TTC39A: variants seen among roughly 807,000 people sequenced by gnomAD.
TTC39A encodes the protein tetratricopeptide repeat domain 39A, also known as tetratricopeptide repeat protein 39A.
TTC39A carries 46 observed loss-of-function variants against 82.3 expected under a neutral mutation model. The ratio of observed to expected loss-of-function variants is 0.56; its 90% CI spans 0.44 to 0.71. The LOEUF (loss-of-function observed/expected upper bound fraction) is 0.71. Among genes scored for constraint, TTC39A ranks in the 30% least tolerant of loss-of-function variants. The pLI, the probability that TTC39A is intolerant of heterozygous loss-of-function variation, is 0.00. For synonymous variants in TTC39A, 254 were observed against 275.2 expected (o/e 0.92, Z 0.76); for missense variants, 543 against 712.9 (o/e 0.76, Z 2.71).
At chr1:51,296,673 C>G (rs549982372) in intron 12 of TTC39A, 1 of 195,054 alleles carries the variant, frequency 5.1e-6, no homozygotes, top group African/African-American at 2.3e-5. Context: ...GGGCCTGGGT[C>G]GGGTCAGCTC....
chr1:51,294,315 C>A lies in TTC39A; in HGVS notation c.1266+76G>T. On this transcript the variant is annotated intron_variant, in intron 14 of 17. Coordinates refer to ENST00000680483, the MANE Select transcript of TTC39A (RefSeq NM_001297663.2). This position sits in a 1 kb window ranked among gnomAD's most constrained non-coding sequence, Gnocchi z 4.3. ...GAAGGTCTTTCTCCTCATCCACCTC[C>A]CCCTGGCTGTGGCTCTCAGTGAATC... is the stretch of plus-strand genomic sequence containing the variant. The A allele has an allele frequency of 6.2e-7, 1 of 1,602,142 alleles. No homozygotes were observed. The highest frequency in any genetic ancestry group is 1.1e-5 in the South Asian group (1 of 90,424).
At chr1:51,302,993 A>T in intron 9 of TTC39A, 91 bp downstream of exon 9, 1 of 1,184,182 alleles carries the variant, frequency 8.4e-7, no homozygotes, top group African/African-American at 1.5e-5. Context: ...ATCCCTAGCC[A>T]CAGGGCATGA....
rs567106893 is a variant in TTC39A at position 51,301,605 on chromosome 1, G to A, written c.1020C>T (p.Ala340=). ...KGQWKMSYFY[A]DLLSKENCWS... Reference sequence around the variant, plus strand: ...AGCAGTTCTCCTTGCTGAGCAGGTCGGCGTAGAAGTAGGACATCTTCCACT... The same window carrying A: ...AGCAGTTCTCCTTGCTGAGCAGGTCAGCGTAGAAGTAGGACATCTTCCACT... The change falls in exon 12 of 18, where the codon GCC becomes GCT. Residue 340 remains alanine, a synonymous_variant. Coordinates refer to ENST00000680483, the MANE Select transcript of TTC39A (RefSeq NM_001297663.2). 38 of 1,612,420 alleles carry A rather than the reference G, an allele frequency of 2.4e-5. No homozygotes were observed. The highest frequency in any genetic ancestry group is 2.6e-5 in the Non-Finnish European group (31 of 1,179,122).
At chr1:51,331,031 C>T (rs1489039188), upstream of TTC39A, 6 of 779,006 alleles carry the variant, frequency 7.7e-6, no homozygotes, top group East Asian at 2.7e-5. Flanking sequence ...GGGGAAAACA[C>T]GGTTTAGCAC....
chr1:51,300,857 T>C (rs1012623770), intron 12 of TTC39A: 1 of 152,184 alleles, frequency 6.6e-6, no homozygotes, highest in Non-Finnish European at 1.5e-5. Flanking sequence ...CATTGGCAGG[T>C]GACAAGTCAG....
rs145381995 is a variant in TTC39A at position 51,323,296 on chromosome 1, A to G, written c.42-1471T>C. Among the ~76,000 whole-genome samples, 458 of 151,320 alleles carry G rather than the reference A, an allele frequency of 3.0e-3. 4 individuals carry two copies. In the South Asian group the frequency reaches 0.031, roughly 10 times the overall value. On this transcript the variant is annotated intron_variant, in intron 1 of 17. Coordinates refer to ENST00000680483, the MANE Select transcript of TTC39A (RefSeq NM_001297663.2). Reference sequence around the variant, plus strand: ...ACTTCCTTTTTTATAAAGAATTTTTACAGAGATAGGGTCTCATATGTTGCC... The same window carrying G: ...ACTTCCTTTTTTATAAAGAATTTTTGCAGAGATAGGGTCTCATATGTTGCC...
chr1:51,330,402 G>GCCC lies in TTC39A; in HGVS notation c.41+32_41+34dup, dbSNP rs1557746244. On this transcript the variant is annotated intron_variant, in intron 1 of 17. Transcript: ENST00000680483. This position sits in a 1 kb window ranked among gnomAD's most constrained non-coding sequence, Gnocchi z 4.5. The stretch of plus-strand genomic sequence containing the variant: ...ACCTGCCCGGGCCCCAGCCCGCGCC[G>GCCC]CCCGCGCCCCCGGGCCTCCCAGCCG... The GCCC allele has an allele frequency of 1.0e-6, 1 of 976,812 alleles. No individual in the cohort carries two copies. Among genetic ancestry groups the GCCC allele is most frequent in the Admixed American group, 6.3e-5 (1 of 15,750 alleles). 60.5% of individuals were successfully genotyped at this position (976,812 alleles called of 1,614,324 possible). A position where few individuals can be genotyped will look rare whatever the true frequency, so the allele number is the denominator to read the frequency against.
At chr1:51,335,540 G>A (rs934205228), upstream of TTC39A, among the ~76,000 whole-genome samples, 12 of 141,350 alleles carry the variant, frequency 8.5e-5, no homozygotes, top group East Asian at 6.0e-4. Flanking sequence ...CAGACTGGGC[G>A]ACAGAGAGAA....
chr1:51,333,573 C>T (rs960524841), upstream of TTC39A, among the ~76,000 whole-genome samples: 3 of 152,224 alleles, frequency 2.0e-5, no homozygotes, highest in Admixed American at 6.5e-5. Flanking sequence ...TCCTCCTAAC[C>T]CTGCAGGTTT....
At chr1:51,343,983 A>T (rs1434556771) in intron 1 of TTC39A, among the ~76,000 whole-genome samples, 1 of 152,092 alleles carries the variant, frequency 6.6e-6, no homozygotes, top group African/African-American at 2.4e-5. Context: ...AGACAGGAGG[A>T]GCTGGGGAAG....
chr1:51,317,946 AGAAT>A (rs1358922583), intron 2 of TTC39A, among the ~76,000 whole-genome samples: 3 of 152,164 alleles, frequency 2.0e-5, no homozygotes, highest in African/African-American at 7.2e-5. Flanking sequence ...GACTCCTGTT[AGAAT>A]GCCCTCCTGA....
Position 51,327,231 on chromosome 1 carries a change from G to A in TTC39A, c.41+3206C>T, listed in dbSNP as rs56399756. Among the ~76,000 whole-genome samples the A allele has an allele frequency of 5.1e-4, 77 of 152,300 alleles. 1 individual carries two copies. The highest frequency in any genetic ancestry group is 1.7e-3 in the African/African-American group (70 of 41,572). ...GAGGTGGGTGTGGGGTGGGTGAGGC[G>A]GCGGAGCGGTCGCTCAGGAAGCCAA... On this transcript the variant is annotated intron_variant, in intron 1 of 17. Coordinates refer to ENST00000680483, the MANE Select transcript of TTC39A (RefSeq NM_001297663.2).
At chr1:51,339,206 A>C (rs1396720042) in intron 1 of TTC39A, among the ~76,000 whole-genome samples, 1 of 152,140 alleles carries the variant, frequency 6.6e-6, no homozygotes, top group East Asian at 1.9e-4. Flanking sequence ...CCATGGGAAG[A>C]AAAGGAGCCA....
chr1:51,305,095 AC>A lies in TTC39A; in HGVS notation c.639del (p.Ser215GlnfsTer54), dbSNP rs1644820006. ...TRILRLLEFV[G>X]FSGNKDYGLL... ...CAGGTGGTTACCTTGTTTCCTGAAA[AC>A]CCCACAAACTCCAACAGCCTCAGGA... On this transcript the variant is annotated frameshift_variant, in exon 8 of 18. Coordinates refer to ENST00000680483, the MANE Select transcript of TTC39A (RefSeq NM_001297663.2). LOFTEE classifies it high-confidence loss of function. 1 of 1,612,950 alleles carries A rather than the reference AC, an allele frequency of 6.2e-7. No individual in the cohort carries two copies. The highest frequency in any genetic ancestry group is 1.1e-5 in the South Asian group (1 of 91,054).
chr1:51,296,649 C>A (rs1477430853), intron 12 of TTC39A: 2 of 209,684 alleles, frequency 9.5e-6, no homozygotes, highest in Non-Finnish European at 2.0e-5. Flanking sequence ...AGGCTTGAGC[C>A]AGAAACGTGA....
chr1:51,312,779 C>A (rs777787241), intron 3 of TTC39A, 33 bp downstream of exon 3: 3 of 1,604,872 alleles, frequency 1.9e-6, no homozygotes, highest in East Asian at 2.2e-5. Context: ...GTGGGCCTCC[C>A]AACCTCTGAT....
At chr1:51,291,383 C>CGG (rs1273718226) in intron 14 of TTC39A, among the ~76,000 whole-genome samples, 1 of 151,420 alleles carries the variant, frequency 6.6e-6, no homozygotes, top group African/African-American at 2.4e-5. Flanking sequence ...TCCAGCTACT[C>CGG]GGGAGGCTGA....
At position 51,294,536 on chromosome 1, in the gene TTC39A, G is replaced by GA. The variant is rs751954795; in HGVS notation, c.1146-26dup. 3.1e-6 allele frequency: 5 copies of GA among 1,613,478 alleles called. No individual in the cohort carries two copies. The South Asian group carries it at 4.4e-5, about 14-fold the overall frequency. On this transcript the variant is annotated intron_variant, in intron 13 of 17. Transcript: ENST00000680483. This position sits in a 1 kb window ranked among gnomAD's most constrained non-coding sequence, Gnocchi z 4.3. ...TCTGCGAAAGAGATGGGGAGGGTGG[G>GA]AGAGGATGAAAAAGAGCAGGAGAGG...
In TTC39A at chr1:51,305,270, T is replaced by C. The variant is rs963722486; in HGVS notation, c.589-124A>G. 7.8e-6 allele frequency: 7 copies of C among 893,108 alleles called. No individual in the cohort carries two copies. In the East Asian group the frequency reaches 8.0e-5, roughly 10 times the overall value. The allele number at this position is 893,108 out of a possible 1,614,324, so 55.3% of individuals were successfully genotyped here. A position where few individuals can be genotyped will look rare whatever the true frequency, so the allele number is the denominator to read the frequency against. ...AGGGGAGAGGGCCACCCCTCTAACT[T>C]TGAAAGCCTCTAGCCAATGTTTTCC... On this transcript the variant is annotated intron_variant, in intron 7 of 17. Transcript: ENST00000680483.
Sources: allele counts gnomAD v4.1 joint callset (sites outside exome capture counted in the v4.1 genomes callset), GRCh38; gene constraint gnomAD v4.1.1; non-coding constraint Gnocchi (gnomAD v3.1); transcripts MANE v1.5; gene names NCBI Gene and HGNC (gene_info 2026-07-23, HGNC 2026-07-21).